The following TMEM272 variants were observed in gnomAD, a reference collection of about 807,000 sequenced individuals.
TMEM272 encodes long intergenic non-protein coding RNA 282.
In TMEM272, 8 loss-of-function variants were observed where a neutral mutation model predicts 3.7. That is an observed-to-expected ratio of 2.17 (90% confidence interval 1.27 to 3.91). The LOEUF is 3.91. Among genes scored for constraint, TMEM272 ranks in the 30% most tolerant of loss-of-function variants. TMEM272 has a pLI of 0.00. For synonymous variants in TMEM272, 63 were observed against 39.8 expected, an observed-to-expected ratio of 1.58 and a Z score of -2.20; for missense variants, 166 against 91.5, an observed-to-expected ratio of 1.81 and a Z score of -3.32.
chr13:51,895,709 G>T, the TMEM272 span, among the ~76,000 whole-genome samples: 7 of 152,120 alleles, frequency 4.6e-5, no homozygotes, highest in African/African-American at 1.7e-4. Flanking sequence ...CTCTGCCCTG[G>T]GATGGGGGAA....
the TMEM272 span, among the ~76,000 whole-genome samples, chr13:51,917,051 T>C: frequency 6.6e-6 from 1 of 152,198 alleles, no homozygotes. Context: ...GCTTAAGCCC[T>C]AGCTGCCCAT....
the TMEM272 span, among the ~76,000 whole-genome samples, chr13:51,899,898 A>G: frequency 1.3e-5 from 2 of 152,208 alleles, no homozygotes; most frequent in Non-Finnish European, 2.9e-5. Context: ...ATCATATGGG[A>G]GATGAACAGT....
chr13:51,900,717 C>T, the TMEM272 span, among the ~76,000 whole-genome samples: 1 of 152,154 alleles, frequency 6.6e-6, no homozygotes, highest in Non-Finnish European at 1.5e-5. Flanking sequence ...ACCCAAGTAT[C>T]CATCAACGAA....
chr13:51,831,994 A>G (rs1286106484), intron 2 of TMEM272, among the ~76,000 whole-genome samples: 2 of 152,236 alleles, frequency 1.3e-5, no homozygotes. Context: ...GGATATTAGA[A>G]TCAAAACGTT....
the TMEM272 span, chr13:51,865,676 T>C: frequency 5.6e-6 from 9 of 1,614,152 alleles, no homozygotes; most frequent in East Asian, 1.6e-4. Context: ...GGAGAAAACC[T>C]TCTGGAAAGA....
At chr13:51,836,563 T>A (rs1035096102) in intron 2 of TMEM272, among the ~76,000 whole-genome samples, 1 of 152,224 alleles carries the variant, frequency 6.6e-6, no homozygotes, top group Admixed American at 6.5e-5. Flanking sequence ...GCTGGATTAC[T>A]GCATAGGTGA....
chr13:51,875,565 C>T, the TMEM272 span, among the ~76,000 whole-genome samples: 1 of 152,158 alleles, frequency 6.6e-6, no homozygotes, highest in East Asian at 1.9e-4. Flanking sequence ...GATGACAGTT[C>T]CTTGGAATTC....
chr13:51,897,751 ACT>A, the TMEM272 span, among the ~76,000 whole-genome samples: 1 of 150,980 alleles, frequency 6.6e-6, no homozygotes, highest in South Asian at 2.1e-4. Context: ...ACATGGTTAA[ACT>A]CTGTCTCTAC....
chr13:51,905,053 T>C, the TMEM272 span, among the ~76,000 whole-genome samples: 2 of 152,186 alleles, frequency 1.3e-5, no homozygotes, highest in Non-Finnish European at 2.9e-5. Context: ...GTGTAAAATA[T>C]CTGTGGACAT....
chr13:51,891,117 G>A, the TMEM272 span, among the ~76,000 whole-genome samples: 2 of 152,240 alleles, frequency 1.3e-5, no homozygotes, highest in South Asian at 2.1e-4. Flanking sequence ...GGGCCCACAC[G>A]GAATGTGCTG....
the TMEM272 span, chr13:51,934,327 A>T: frequency 3.4e-6 from 1 of 293,646 alleles, no homozygotes; most frequent in East Asian, 8.0e-5. Context: ...TGATGCACAC[A>T]GACAGGCGTC....
At chr13:51,846,579 TA>T (rs1238331668), upstream of TMEM272, among the ~76,000 whole-genome samples, 1 of 152,176 alleles carries the variant, frequency 6.6e-6, no homozygotes, top group South Asian at 2.1e-4. Flanking sequence ...TTATATATAT[TA>T]AAAAAAGGTT....
the TMEM272 span, among the ~76,000 whole-genome samples, chr13:51,923,707 AGAGGG>A: frequency 3.0e-5 from 4 of 134,438 alleles, no homozygotes; most frequent in Non-Finnish European, 4.7e-5. Flanking sequence ...AGAAGAAACA[AGAGGG>A]GAGGGGAGGA....
At chr13:51,912,170 A>G in the TMEM272 span, among the ~76,000 whole-genome samples, 3 of 152,108 alleles carry the variant, frequency 2.0e-5, no homozygotes, top group Admixed American at 2.0e-4. Context: ...TCATTATGTA[A>G]AGGTCCAAAA....
chr13:51,859,947 C>T, the TMEM272 span, among the ~76,000 whole-genome samples: 1 of 151,756 alleles, frequency 6.6e-6, no homozygotes, highest in African/African-American at 2.4e-5. Context: ...GGCTGGAGTG[C>T]AGTGGCACGA....
At chr13:51,879,983 G>A in the TMEM272 span, among the ~76,000 whole-genome samples, 1 of 152,196 alleles carries the variant, frequency 6.6e-6, no homozygotes, top group Non-Finnish European at 1.5e-5. Context: ...ACAGCAAAAA[G>A]AGTCAGATGC....
At chr13:51,821,674 AAAAAAAAAAAAAAGC>A (rs1185803244) in intron 4 of TMEM272, among the ~76,000 whole-genome samples, 1 of 37,182 alleles carries the variant, frequency 2.7e-5, no homozygotes, top group Non-Finnish European at 6.0e-5. Context: ...TCCTCAAAAA[AAAAAAAAAAAAAAGC>A]AAAAAAAAAA....
chr13:51,924,677 G>T, the TMEM272 span, among the ~76,000 whole-genome samples: 1,349 of 152,170 alleles, frequency 8.9e-3, 21 homozygotes, highest in African/African-American at 0.031. Flanking sequence ...AATTCTGCCT[G>T]TCTCCAAACA....
chr13:51,861,730 C>A, the TMEM272 span, among the ~76,000 whole-genome samples: 2 of 152,034 alleles, frequency 1.3e-5, no homozygotes, highest in Non-Finnish European at 2.9e-5. Context: ...TGATGAAAAA[C>A]GGCATCAAAT....
Sources: gnomAD v4.1 joint callset for allele counts (sites outside exome capture counted in the v4.1 genomes callset) on GRCh38, gnomAD v4.1.1 for gene constraint, MANE v1.5 for transcripts, NCBI Gene and HGNC (gene_info 2026-07-23, HGNC 2026-07-21) for gene names.